SHISA6: variants seen among roughly 807,000 people sequenced by gnomAD.
The protein encoded by SHISA6 is shisa family member 6, also known as protein shisa-6.
A neutral mutation model predicts 47.9 loss-of-function variants in SHISA6; 22 were observed. The observed-to-expected ratio is 0.46, with a 90% CI of 0.33 to 0.66. The LOEUF (loss-of-function observed/expected upper bound fraction) is 0.66, where lower values mean the gene tolerates loss of function less well. Among genes scored for constraint, SHISA6 ranks in the 30% least tolerant of loss-of-function variants. The probability of loss-of-function intolerance (pLI) is 0.02; values close to 1 mark genes in which losing one functional copy is unlikely to be tolerated. For missense variants in SHISA6, 680 were observed against 764.6 expected (o/e 0.89, Z 1.30); for synonymous variants, 388 against 337.8 (o/e 1.15, Z -1.63).
chr17:11,416,949 A>T (rs1914298271), intron 3 of SHISA6, among the ~76,000 whole-genome samples: 1 of 152,248 alleles, frequency 6.6e-6, no homozygotes, highest in African/African-American at 2.4e-5. Context: ...CACAGATAGT[A>T]AAGTGAGAGT....
chr17:11,530,941 C>CA (rs2142371119), intron 3 of SHISA6, among the ~76,000 whole-genome samples: 1 of 152,188 alleles, frequency 6.6e-6, no homozygotes, highest in East Asian at 1.9e-4. Context: ...TTCTTTCTTC[C>CA]CCATAGGCAG....
chr17:11,539,006 TCTTGA>T (rs1258512415), intron 3 of SHISA6, among the ~76,000 whole-genome samples: 1 of 152,184 alleles, frequency 6.6e-6, no homozygotes, highest in Non-Finnish European at 1.5e-5. Context: ...AGTGGCACGA[TCTTGA>T]CTTACTGCAA....
In SHISA6 at chr17:11,301,016, A is replaced by G. The variant is rs115037071; in HGVS notation, c.799+37490A>G. On this transcript the variant is annotated intron_variant, in intron 2 of 5. Coordinates refer to ENST00000441885, the MANE Select transcript of SHISA6 (RefSeq NM_207386.4). ...CCAGTCAAGGGAAACACGTTTAAAG[A>G]GTTTTTTTGCAAGGCCTGAAGCAAA... Among the ~76,000 whole-genome samples the G allele has an allele frequency of 9.6e-3, 1,462 of 152,244 alleles. 23 individuals are homozygous for G. Among genetic ancestry groups the G allele is most frequent in the African/African-American group, 0.033 (1,362 of 41,536 alleles).
intron 2 of SHISA6, among the ~76,000 whole-genome samples, chr17:11,333,487 G>T (rs1911205618): frequency 6.6e-6 from 1 of 151,952 alleles, no homozygotes. Context: ...AAAACTCTAT[G>T]TTCTTCTTCT....
At chr17:11,502,424 A>AAAAAAAAAAAAAC (rs2071462372) in intron 3 of SHISA6, among the ~76,000 whole-genome samples, 1 of 132,320 alleles carries the variant, frequency 7.6e-6, no homozygotes, top group Non-Finnish European at 1.6e-5. Flanking sequence ...AAAAAAAAAA[A>AAAAAAAAAAAAAC]AAAAAAAAGA....
intron 3 of SHISA6, among the ~76,000 whole-genome samples, chr17:11,459,831 C>T (rs1424282279): frequency 6.6e-6 from 1 of 152,202 alleles, no homozygotes; most frequent in African/African-American, 2.4e-5. Flanking sequence ...TGCTTCTTGT[C>T]TCTGAAATTG....
intron 3 of SHISA6, among the ~76,000 whole-genome samples, chr17:11,515,671 C>T (rs910718580): frequency 6.6e-6 from 1 of 152,064 alleles, no homozygotes; most frequent in Non-Finnish European, 1.5e-5. Flanking sequence ...CCCTTTGTGC[C>T]TCCATGTGGG....
intron 3 of SHISA6, among the ~76,000 whole-genome samples, chr17:11,434,343 G>A (rs745617020): frequency 2.0e-5 from 3 of 152,092 alleles, no homozygotes; most frequent in Admixed American, 1.3e-4. Flanking sequence ...GAATACAGGC[G>A]TGAGCCACCA....
chr17:11,559,464 T>A lies in SHISA6; in HGVS notation c.*1160T>A, dbSNP rs1029633111. On this transcript the variant is annotated 3_prime_UTR_variant, in exon 6 of 6. Transcript: ENST00000441885. This position sits in a 1 kb window ranked among gnomAD's most constrained non-coding sequence, Gnocchi z 4.4. ...TGAGAGGTGGTTGTCCTGCATCCTCTCCGCTCATCCTTCCTTCCCCATCTC... is the reference window on the plus strand; with the variant it reads ...TGAGAGGTGGTTGTCCTGCATCCTCACCGCTCATCCTTCCTTCCCCATCTC... The A allele has an allele frequency of 1.3e-5, 2 of 152,318 alleles. No homozygotes were observed. Among genetic ancestry groups the A allele is most frequent in the Non-Finnish European group, 2.9e-5 (2 of 68,162 alleles). The allele number at this position is 152,318 out of a possible 1,614,324, so 9.4% of individuals were successfully genotyped here.
intron 2 of SHISA6, among the ~76,000 whole-genome samples, chr17:11,279,531 T>G (rs990081694): frequency 1.1e-4 from 17 of 152,152 alleles, no homozygotes; most frequent in Admixed American, 7.2e-4. Flanking sequence ...CTGTGGTCCA[T>G]GTGAGCCCTC....
rs2142128381 is a variant in SHISA6 at position 11,241,480 on chromosome 17, C to T, written c.58C>T (p.Leu20=). 3.4e-6 allele frequency: 4 copies of T among 1,189,396 alleles called. No homozygotes were observed. In the East Asian group the frequency reaches 1.8e-4, roughly 52 times the overall value. 73.7% of individuals were successfully genotyped at this position (1,189,396 alleles called of 1,614,324 possible). The stretch of plus-strand genomic sequence containing the variant: ...GCTCTCGCTGGAGTCCCTGGACCTG[C>T]TGCCCAGCGTCCACGGAGCCCGCGG... ...LLLSLESLDL[L]PSVHGARGRA... is the part of the protein sequence containing the mutation. The change falls in exon 1 of 6, where the codon CTG becomes TTG. Residue 20 remains leucine (L), a synonymous_variant. Coordinates refer to ENST00000441885, the MANE Select transcript of SHISA6 (RefSeq NM_207386.4). The surrounding 1 kb of genome is among the most constrained non-coding windows in gnomAD (Gnocchi z 5.5).
In SHISA6 at chr17:11,561,722, T is replaced by C. The variant is rs2072045356; in HGVS notation, c.*3418T>C. ...TCTTCCTCCATCTACCTTCCTCCAT[T>C]CACCTTCCTCCATTCCTAATTTCTT... On this transcript the variant is annotated 3_prime_UTR_variant, in exon 6 of 6. Transcript: ENST00000441885. The C allele has an allele frequency of 6.6e-6, 1 of 152,160 alleles. No individual in the cohort carries two copies. The highest frequency in any genetic ancestry group is 6.5e-5 in the Admixed American group (1 of 15,282). 9.4% of individuals were successfully genotyped at this position (152,160 alleles called of 1,614,324 possible). A position where few individuals can be genotyped will look rare whatever the true frequency, so the allele number is the denominator to read the frequency against.
chr17:11,311,239 A>T (rs1283989336), intron 2 of SHISA6, among the ~76,000 whole-genome samples: 1 of 147,410 alleles, frequency 6.8e-6, no homozygotes, highest in African/African-American at 2.5e-5. Context: ...CCAATATCGC[A>T]CCACTGCACT....
intron 3 of SHISA6, among the ~76,000 whole-genome samples, chr17:11,389,267 T>A (rs1295173953): frequency 2.0e-5 from 3 of 152,158 alleles, no homozygotes; most frequent in Non-Finnish European, 4.4e-5. Flanking sequence ...TGGGACAATC[T>A]TCTGGACTGG....
At chr17:11,542,345 A>T (rs890589768) in intron 3 of SHISA6, among the ~76,000 whole-genome samples, 1 of 152,090 alleles carries the variant, frequency 6.6e-6, no homozygotes, top group African/African-American at 2.4e-5. Context: ...AAAAAAAAAA[A>T]AAAGCCTGTC....
intron 3 of SHISA6, among the ~76,000 whole-genome samples, chr17:11,397,454 T>C (rs1913610409): frequency 6.7e-6 from 1 of 148,474 alleles, no homozygotes; most frequent in Non-Finnish European, 1.5e-5. Context: ...ATTTTGTTTT[T>C]TCTCTGAAGT....
At chr17:11,551,269 A>G (rs2071929782) in intron 3 of SHISA6, among the ~76,000 whole-genome samples, 1 of 152,200 alleles carries the variant, frequency 6.6e-6, no homozygotes, top group African/African-American at 2.4e-5. Flanking sequence ...GGCTTATTCC[A>G]TCTAAGTGGA....
At chr17:11,246,289 G>A (rs546624260) in intron 1 of SHISA6, among the ~76,000 whole-genome samples, 21 of 152,144 alleles carry the variant, frequency 1.4e-4, no homozygotes, top group Non-Finnish European at 2.9e-4. Context: ...AGGAGATTGA[G>A]ACCATCCTGG....
intron 2 of SHISA6, among the ~76,000 whole-genome samples, chr17:11,304,245 G>T (rs1910027116): frequency 6.6e-6 from 1 of 152,220 alleles, no homozygotes. Flanking sequence ...GTTGGACGAA[G>T]GCACTGGGGA....
Sources: allele counts gnomAD v4.1 joint callset (sites outside exome capture counted in the v4.1 genomes callset), GRCh38; gene constraint gnomAD v4.1.1; non-coding constraint Gnocchi (gnomAD v3.1); transcripts MANE v1.5; gene names NCBI Gene and HGNC (gene_info 2026-07-23, HGNC 2026-07-21).